Variants in PAPPA2 observed in about 807,000 individuals in gnomAD.
The protein encoded by PAPPA2 is pappalysin-2.
In PAPPA2, 86 loss-of-function variants were observed where a neutral mutation model predicts 176.4. That is an observed-to-expected ratio of 0.49 (90% CI 0.41 to 0.58). The LOEUF (loss-of-function observed/expected upper bound fraction) is 0.58, where lower values mean the gene tolerates loss of function less well. PAPPA2 is among the 20% of genes least tolerant of loss of function. PAPPA2 has a pLI of 0.00. For missense variants in PAPPA2, 2,073 were observed against 2,256.9 expected (o/e 0.92, Z 1.65); for synonymous variants, 809 against 852.2 (o/e 0.95, Z 0.88).
At chr1:176,727,362 G>A (rs1218569519) in intron 12 of PAPPA2, among the ~76,000 whole-genome samples, 1 of 151,992 alleles carries the variant, frequency 6.6e-6, no homozygotes, top group East Asian at 1.9e-4. Context: ...ACAAAAGGGT[G>A]AAAAATTATG....
chr1:176,653,928 A>C (rs763961320), intron 3 of PAPPA2, among the ~76,000 whole-genome samples: 4 of 151,208 alleles, frequency 2.6e-5, no homozygotes, highest in Non-Finnish European at 5.9e-5. Flanking sequence ...ATTTCTTCGT[A>C]CCTCTTCATT....
At chr1:176,684,538 C>T (rs1430172533) in intron 4 of PAPPA2, among the ~76,000 whole-genome samples, 1 of 152,124 alleles carries the variant, frequency 6.6e-6, no homozygotes, top group Admixed American at 6.5e-5. Flanking sequence ...GATGGAATCT[C>T]GTCCCTACCC....
At chr1:176,724,295 T>C (rs1355013542) in intron 12 of PAPPA2, among the ~76,000 whole-genome samples, 2 of 152,184 alleles carry the variant, frequency 1.3e-5, no homozygotes, top group Non-Finnish European at 2.9e-5. Context: ...TATTAAATAC[T>C]TATTGTCAAC....
chr1:176,574,949 G>A (rs974009376), intron 2 of PAPPA2, among the ~76,000 whole-genome samples: 6 of 152,068 alleles, frequency 3.9e-5, no homozygotes, highest in African/African-American at 9.7e-5. Context: ...ATATAGCCTC[G>A]GTATGTTCTA....
At chr1:176,540,162 A>G (rs2102564712) in intron 1 of PAPPA2, among the ~76,000 whole-genome samples, 1 of 152,306 alleles carries the variant, frequency 6.6e-6, no homozygotes, top group East Asian at 1.9e-4. Flanking sequence ...AAATAATAAG[A>G]CACAAGTACC....
intron 21 of PAPPA2, among the ~76,000 whole-genome samples, chr1:176,812,096 C>A (rs143004007): frequency 1.8e-4 from 28 of 152,078 alleles, no homozygotes; most frequent in Admixed American, 1.4e-3. Context: ...TTCTTTTGTC[C>A]TCTTGGCCTT....
At chr1:176,706,255 C>A in intron 9 of PAPPA2, 104 bp from the exon 10 acceptor site, 1 of 1,040,506 alleles carries the variant, frequency 9.6e-7, no homozygotes, top group Non-Finnish European at 1.4e-6. Flanking sequence ...CCAACTTGCA[C>A]TTTTTAATAT....
At chr1:176,812,770 CT>C (rs998141583) in intron 21 of PAPPA2, among the ~76,000 whole-genome samples, 41 of 149,258 alleles carry the variant, frequency 2.7e-4, no homozygotes, top group African/African-American at 4.4e-4. Flanking sequence ...TTTCTTACAC[CT>C]TTTTTTTTTC....
intron 12 of PAPPA2, among the ~76,000 whole-genome samples, chr1:176,720,123 C>T (rs938595676): frequency 3.9e-5 from 6 of 152,116 alleles, no homozygotes; most frequent in East Asian, 1.9e-4. Context: ...TTGTTATAAC[C>T]GATATTCATC....
chr1:176,611,240 G>T (rs529830346), intron 3 of PAPPA2, among the ~76,000 whole-genome samples: 24 of 152,208 alleles, frequency 1.6e-4, no homozygotes, highest in Non-Finnish European at 1.5e-5. Flanking sequence ...ATATTATATG[G>T]GGGCATAATG....
At chr1:176,652,518 T>C (rs1167309914) in intron 3 of PAPPA2, among the ~76,000 whole-genome samples, 2 of 151,720 alleles carry the variant, frequency 1.3e-5, no homozygotes, top group African/African-American at 4.8e-5. Flanking sequence ...TAGGGATTCA[T>C]GCCCATGGGA....
rs114999738 is a variant in PAPPA2 at position 176,606,830 on chromosome 1, G to A, written c.1991+11235G>A. On this transcript the variant is annotated intron_variant, in intron 3 of 22. Transcript: ENST00000367662. ...GTTTGTTAGGAAAGGTCAGTTACAT[G>A]AACCAAAGTACAGATGTGCAAACAT... Among the ~76,000 whole-genome samples the A allele has an allele frequency of 2.3e-3, 352 of 152,230 alleles. 1 individual carries two copies. Among genetic ancestry groups the A allele is most frequent in the African/African-American group, 8.3e-3 (345 of 41,556 alleles).
intron 1 of PAPPA2, among the ~76,000 whole-genome samples, chr1:176,487,581 T>A (rs181235299): frequency 2.0e-5 from 3 of 152,326 alleles, no homozygotes; most frequent in Admixed American, 2.0e-4. Context: ...CATGGCCTGT[T>A]CTGCAACAGC....
intron 2 of PAPPA2, among the ~76,000 whole-genome samples, chr1:176,562,125 A>G (rs1352100376): frequency 6.6e-6 from 1 of 152,188 alleles, no homozygotes; most frequent in East Asian, 1.9e-4. Context: ...GTCAAACCAT[A>G]TCAAGACCCT....
At position 176,610,346 on chromosome 1, in the gene PAPPA2, G is replaced by T. The variant is rs56362634; in HGVS notation, c.1991+14751G>T. ...AATTAATGCTGCAAAGTTGTGTGTGGGGGGGGGGAGTAGGATTTATAGGAA... is the reference window on the plus strand; with the variant it reads ...AATTAATGCTGCAAAGTTGTGTGTGTGGGGGGGGAGTAGGATTTATAGGAA... On this transcript the variant is annotated intron_variant, in intron 3 of 22. Transcript: ENST00000367662. 6.7e-3 allele frequency among the ~76,000 whole-genome samples: 200 copies of T among 29,946 alleles called. 1 individual carries two copies. The highest frequency in any genetic ancestry group is 0.05 in the Middle Eastern group (2 of 40). The allele number at this position is 29,946 out of a possible 152,430, so 19.6% of individuals were successfully genotyped here.
chr1:176,746,758 T>G (rs1396433423), intron 14 of PAPPA2, among the ~76,000 whole-genome samples: 1 of 152,350 alleles, frequency 6.6e-6, no homozygotes, highest in Admixed American at 6.5e-5. Context: ...AAGGTTTGCC[T>G]TGAACTATAA....
At chr1:176,634,457 G>A (rs1317823374) in intron 3 of PAPPA2, among the ~76,000 whole-genome samples, 1 of 152,088 alleles carries the variant, frequency 6.6e-6, no homozygotes, top group African/African-American at 2.4e-5. Flanking sequence ...GGAGGAGTGG[G>A]GAGGGATAGC....
chr1:176,640,131 A>T (rs1656983177), intron 3 of PAPPA2, among the ~76,000 whole-genome samples: 1 of 149,086 alleles, frequency 6.7e-6, no homozygotes, highest in South Asian at 2.2e-4. Context: ...ATCTATTTTT[A>T]TTTTTTTCAA....
At chr1:176,651,309 G>A (rs953431182) in intron 3 of PAPPA2, among the ~76,000 whole-genome samples, 4 of 151,244 alleles carry the variant, frequency 2.6e-5, no homozygotes, top group Non-Finnish European at 5.9e-5. Flanking sequence ...TATATGACAG[G>A]TTCAGTAGTG....
Sources: allele counts gnomAD v4.1 joint callset (sites outside exome capture counted in the v4.1 genomes callset), GRCh38; gene constraint gnomAD v4.1.1; transcripts MANE v1.5; gene names NCBI Gene and HGNC (gene_info 2026-07-23, HGNC 2026-07-21).